The following PRDM11 variants were observed in gnomAD, a reference collection of about 807,000 sequenced individuals.
The protein encoded by PRDM11 is PR/SET domain 11, also known as PR domain-containing protein 11.
In PRDM11, 20 loss-of-function variants were observed where a neutral mutation model predicts 97.8. The ratio of observed to expected loss-of-function variants is 0.20; its 90% CI spans 0.14 to 0.30. The LOEUF (loss-of-function observed/expected upper bound fraction) is 0.30, where lower values mean the gene tolerates loss of function less well. Ranked by LOEUF, PRDM11 falls within the 10% of genes least tolerant of loss-of-function variation. The probability of loss-of-function intolerance (pLI) is 1.00; values close to 1 mark genes in which losing one functional copy is unlikely to be tolerated. For synonymous variants in PRDM11, 599 were observed against 637.7 expected (o/e 0.94, Z 0.91); for missense variants, 1,139 against 1,555.2 (o/e 0.73, Z 4.50).
intron 1 of PRDM11, among the ~76,000 whole-genome samples, chr11:45,181,055 G>A (rs964845659): frequency 4.6e-5 from 7 of 152,178 alleles, no homozygotes; most frequent in East Asian, 3.9e-4. Flanking sequence ...GCCCAGCGCC[G>A]TCCCAGCCCC....
At chr11:45,138,689 T>C (rs1024547187) in intron 1 of PRDM11, among the ~76,000 whole-genome samples, 1 of 152,230 alleles carries the variant, frequency 6.6e-6, no homozygotes, top group African/African-American at 2.4e-5. Context: ...GTCACATCCC[T>C]ATGCTATACT....
intron 1 of PRDM11, among the ~76,000 whole-genome samples, chr11:45,120,029 G>A (rs1319774714): frequency 4.6e-5 from 7 of 152,184 alleles, no homozygotes; most frequent in Admixed American, 3.3e-4. Context: ...AATTAAAATA[G>A]TTAGAATATC....
chr11:45,096,943 C>T (rs934669523), intron 1 of PRDM11, among the ~76,000 whole-genome samples: 4 of 152,210 alleles, frequency 2.6e-5, no homozygotes, highest in African/African-American at 9.6e-5. Context: ...GCTGCGTGGC[C>T]ATGCACCAGT....
At chr11:45,203,034 C>T (rs1168682358) in intron 4 of PRDM11, among the ~76,000 whole-genome samples, 1 of 152,092 alleles carries the variant, frequency 6.6e-6, no homozygotes, top group Non-Finnish European at 1.5e-5. Flanking sequence ...GCAGTGGATG[C>T]CATTTTGAGC....
rs1854432141 is a variant in PRDM11 at position 45,233,146 on chromosome 11, A to G, written c.*4987A>G. 1 of 152,242 alleles carries G rather than the reference A, an allele frequency of 6.6e-6. No individual in the cohort carries two copies. Among genetic ancestry groups the G allele is most frequent in the South Asian group, 2.1e-4 (1 of 4,826 alleles). The allele number at this position is 152,242 out of a possible 1,614,324, so 9.4% of individuals were successfully genotyped here. ...TTATACATTTCTATGTTTTAAATAG[A>G]TATAAAAATAGAGTCTATAGAGCTG... On this transcript the variant is annotated 3_prime_UTR_variant, in exon 8 of 8. Coordinates refer to ENST00000683152, the MANE Select transcript of PRDM11 (RefSeq NM_001384648.1).
chr11:45,163,491 G>C (rs540901988), intron 1 of PRDM11, among the ~76,000 whole-genome samples: 3 of 151,868 alleles, frequency 2.0e-5, no homozygotes, highest in South Asian at 2.1e-4. Flanking sequence ...TTGAGGATGG[G>C]GGGGGGTACC....
chr11:45,149,319 G>A (rs907013214), intron 1 of PRDM11, among the ~76,000 whole-genome samples: 8 of 152,224 alleles, frequency 5.3e-5, no homozygotes, highest in Admixed American at 1.3e-4. Context: ...AAAAGCTACC[G>A]AATGATCTGG....
In PRDM11 at chr11:45,234,124, G is replaced by C. The variant is rs1854456259; in HGVS notation, c.*5965G>C. The C allele has an allele frequency of 6.6e-6, 1 of 152,288 alleles. No homozygotes were observed. Among genetic ancestry groups the C allele is most frequent in the Admixed American group, 6.5e-5 (1 of 15,292 alleles). The allele number at this position is 152,288 out of a possible 1,614,324, so 9.4% of individuals were successfully genotyped here. A position where few individuals can be genotyped will look rare whatever the true frequency, so the allele number is the denominator to read the frequency against. ...GGGGATGTCTGGGGGCCACGCGGGG[G>C]CACTGGTGCAAGCTGGCAGCATGAC... On this transcript the variant is annotated 3_prime_UTR_variant, in exon 8 of 8. Transcript: ENST00000683152.
intron 1 of PRDM11, among the ~76,000 whole-genome samples, chr11:45,123,572 GT>G (rs1469677168): frequency 6.6e-6 from 1 of 152,144 alleles, no homozygotes; most frequent in African/African-American, 2.4e-5. Context: ...TGGCTAGCCA[GT>G]TTTCCCAGCA....
chr11:45,202,898 T>A (rs1853379115), intron 4 of PRDM11, among the ~76,000 whole-genome samples: 1 of 152,130 alleles, frequency 6.6e-6, no homozygotes, highest in Non-Finnish European at 1.5e-5. Context: ...AAAGAGGCTC[T>A]AGGCTCACCC....
chr11:45,101,331 G>A (rs1346451836), intron 1 of PRDM11, among the ~76,000 whole-genome samples: 2 of 152,146 alleles, frequency 1.3e-5, no homozygotes, highest in African/African-American at 4.8e-5. Context: ...GCCGAGGTGG[G>A]CAGATCACGA....
chr11:45,131,712 A>C (rs1334010425), intron 1 of PRDM11, among the ~76,000 whole-genome samples: 2 of 152,228 alleles, frequency 1.3e-5, no homozygotes, highest in African/African-American at 2.4e-5. Context: ...TATGAAATGA[A>C]AGAGCATGCT....
intron 6 of PRDM11, among the ~76,000 whole-genome samples, chr11:45,221,608 AG>A (rs746019531): frequency 1.5e-4 from 23 of 152,280 alleles, no homozygotes; most frequent in Non-Finnish European, 2.6e-4. Flanking sequence ...CCAAGACCAC[AG>A]GGGATTGCTC....
intron 1 of PRDM11, among the ~76,000 whole-genome samples, chr11:45,126,550 A>G (rs1344985212): frequency 6.6e-6 from 1 of 152,058 alleles, no homozygotes; most frequent in Non-Finnish European, 1.5e-5. Context: ...AAAATCTCTC[A>G]GCATTTGCTT....
chr11:45,126,666 C>G (rs1195540834), intron 1 of PRDM11, among the ~76,000 whole-genome samples: 3 of 152,188 alleles, frequency 2.0e-5, no homozygotes, highest in Non-Finnish European at 4.4e-5. Context: ...ATATTGGCCC[C>G]CACTCTCTTC....
intron 4 of PRDM11, among the ~76,000 whole-genome samples, chr11:45,198,737 G>A (rs1336900895): frequency 6.6e-6 from 1 of 152,168 alleles, no homozygotes; most frequent in African/African-American, 2.4e-5. Context: ...TTCAGAGAGG[G>A]GCCCAGAAGA....
rs1179195985 is a variant in PRDM11, at chr11:45,183,133, C to T, written c.486+10C>T. ...CTTCTTCTCCTGGCTGGTGAGTGTG[C>T]CCTGGGCTATTCATGGGAGAGGTTG... On this transcript the variant is annotated intron_variant, in intron 4 of 7. Transcript: ENST00000683152. The T allele has an allele frequency of 1.2e-6, 2 of 1,606,748 alleles. No individual in the cohort carries two copies. The highest frequency in any genetic ancestry group is 1.1e-5 in the South Asian group (1 of 89,954).
At chr11:45,182,723 G>T in intron 3 of PRDM11, 138 bp from the exon 4 acceptor site, 1 of 1,079,028 alleles carries the variant, frequency 9.3e-7, no homozygotes, top group Non-Finnish European at 1.3e-6. Flanking sequence ...GGAGAGTATG[G>T]GTTATTGCTA....
At chr11:45,198,380 T>C (rs1185588144) in intron 4 of PRDM11, among the ~76,000 whole-genome samples, 1 of 152,240 alleles carries the variant, frequency 6.6e-6, no homozygotes, top group Non-Finnish European at 1.5e-5. Flanking sequence ...AAAGAAGTGA[T>C]GCCATCTGCC....
Sources: allele counts gnomAD v4.1 joint callset (sites outside exome capture counted in the v4.1 genomes callset), GRCh38; gene constraint gnomAD v4.1.1; transcripts MANE v1.5; gene names NCBI Gene and HGNC (gene_info 2026-07-23, HGNC 2026-07-21).